Variants in MAPK10 observed in about 807,000 individuals in gnomAD.
MAPK10 encodes mitogen-activated protein kinase 10, also known as JNK3 alpha protein kinase.
In MAPK10, 25 loss-of-function variants were observed where a neutral mutation model predicts 59.3. That is an observed-to-expected ratio of 0.42 (90% confidence interval 0.31 to 0.59). The LOEUF (loss-of-function observed/expected upper bound fraction) is 0.59, where lower values mean the gene tolerates loss of function less well. MAPK10 is among the 20% of genes least tolerant of loss of function. MAPK10 has a pLI of 0.15. For synonymous variants in MAPK10, 190 were observed against 200.5 expected (o/e 0.95, Z 0.44); for missense variants, 351 against 568.9 (o/e 0.62, Z 3.90).
At chr4:86,319,583 G>A (rs1345798134) in intron 2 of MAPK10, among the ~76,000 whole-genome samples, 1 of 152,104 alleles carries the variant, frequency 6.6e-6, no homozygotes, top group African/African-American at 2.4e-5. Flanking sequence ...AGCTGCAGTG[G>A]ACAGTTCCAA....
intron 2 of MAPK10, among the ~76,000 whole-genome samples, chr4:86,280,954 G>A (rs955313126): frequency 2.0e-5 from 3 of 152,014 alleles, no homozygotes; most frequent in African/African-American, 7.3e-5. Flanking sequence ...GGGGAAGGAG[G>A]AAAAGGGAGG....
At chr4:86,231,596 G>A (rs2091550016) in intron 2 of MAPK10, among the ~76,000 whole-genome samples, 1 of 152,114 alleles carries the variant, frequency 6.6e-6, no homozygotes, top group Non-Finnish European at 1.5e-5. Context: ...CTGGGAGGCA[G>A]AGGTTGGAGT....
In MAPK10 at chr4:86,425,968, C is replaced by T. The variant is rs752565133; in HGVS notation, c.-122+27062G>A. The stretch of plus-strand genomic sequence containing the variant: ...CCTGGGCGACAGAGAGAGACTCTGT[C>T]TCAAAAAGAAAAGATCCTTTTCTGT... On this transcript the variant is annotated intron_variant, in intron 1 of 13. Coordinates refer to the MAPK10 transcript ENST00000361569. Among the ~76,000 whole-genome samples the T allele has an allele frequency of 2.0e-5, 3 of 152,100 alleles. No individual in the cohort carries two copies. The East Asian group carries it at 5.8e-4, about 29-fold the overall frequency.
chr4:86,208,955 T>C (rs1489936343), intron 2 of MAPK10, among the ~76,000 whole-genome samples: 2 of 152,030 alleles, frequency 1.3e-5, no homozygotes, highest in African/African-American at 2.4e-5. Context: ...ATTAATACAA[T>C]AGTTAGTATA....
At position 86,101,077 on chromosome 4, in the gene MAPK10, G is replaced by T; in HGVS notation, c.705C>A (p.Ile235=). 10 of 1,613,762 alleles carry T rather than the reference G, an allele frequency of 6.2e-6. No homozygotes were observed. Among genetic ancestry groups the T allele is most frequent in the Non-Finnish European group, 8.5e-6 (10 of 1,179,822 alleles). The change falls in exon 8 of 14, where the codon ATC becomes ATA. Residue 235 remains isoleucine, a synonymous_variant. Coordinates refer to ENST00000641462, the MANE Select transcript of MAPK10 (RefSeq NM_138982.4). The part of the protein sequence containing the change: ...VTRYYRAPEV[I]LGMGYKENVD... Reference sequence around the variant, plus strand: ...CGTTCTCCTTGTAGCCCATCCCCAGGATGACCTCAGGGGCTCTGTAATAAC... The same window carrying T: ...CGTTCTCCTTGTAGCCCATCCCCAGTATGACCTCAGGGGCTCTGTAATAAC...
intron 11 of MAPK10, among the ~76,000 whole-genome samples, chr4:86,059,192 G>GTTTGGTA (rs1171860471): frequency 7.9e-5 from 12 of 152,144 alleles, no homozygotes; most frequent in African/African-American, 2.9e-4. Flanking sequence ...TATCCAGTAA[G>GTTTGGTA]ATATAATGGC....
intron 1 of MAPK10, among the ~76,000 whole-genome samples, chr4:86,572,575 C>G (rs1430585929): frequency 6.6e-6 from 1 of 152,094 alleles, no homozygotes; most frequent in Non-Finnish European, 1.5e-5. Context: ...TTCCAACAGG[C>G]CTTACTTATA....
chr4:86,460,479 T>C (rs1375390154), intron 1 of MAPK10, among the ~76,000 whole-genome samples: 3 of 151,936 alleles, frequency 2.0e-5, no homozygotes, highest in African/African-American at 7.3e-5. Flanking sequence ...CATGTAAAAA[T>C]CAGAAGAAAA....
intron 13 of MAPK10, among the ~76,000 whole-genome samples, chr4:86,018,563 C>G (rs2148891510): frequency 6.6e-6 from 1 of 152,288 alleles, no homozygotes; most frequent in South Asian, 2.1e-4. Context: ...TAAAGGCTAG[C>G]TGAGTTGCCA....
chr4:86,509,513 A>G (rs891431633), intron 1 of MAPK10, among the ~76,000 whole-genome samples: 7 of 152,014 alleles, frequency 4.6e-5, no homozygotes, highest in South Asian at 4.1e-4. Context: ...CCCTGTCCGC[A>G]TTGTCTAGTC....
chr4:86,217,139 T>C (rs2087905270), intron 2 of MAPK10, among the ~76,000 whole-genome samples: 1 of 152,158 alleles, frequency 6.6e-6, no homozygotes, highest in Non-Finnish European at 1.5e-5. Flanking sequence ...ACACATTACA[T>C]TTCTCACCAA....
intron 2 of MAPK10, among the ~76,000 whole-genome samples, chr4:86,225,240 A>G (rs2090406240): frequency 6.6e-6 from 1 of 152,206 alleles, no homozygotes. Context: ...TGAGAGGGCC[A>G]TAACTGTTTG....
chr4:86,237,917 C>T (rs766994648), intron 2 of MAPK10, among the ~76,000 whole-genome samples: 2 of 152,120 alleles, frequency 1.3e-5, no homozygotes, highest in East Asian at 1.9e-4. Context: ...GAAGACTTTG[C>T]CCATGCCTAT....
intron 2 of MAPK10, among the ~76,000 whole-genome samples, chr4:86,234,859 T>C (rs1256463285): frequency 1.3e-5 from 2 of 152,156 alleles, no homozygotes; most frequent in Non-Finnish European, 2.9e-5. Context: ...ATACATCTCT[T>C]TGTAAGGAAA....
At chr4:86,283,934 T>C (rs2148805546) in intron 2 of MAPK10, among the ~76,000 whole-genome samples, 1 of 152,274 alleles carries the variant, frequency 6.6e-6, no homozygotes, top group Middle Eastern at 3.4e-3. Flanking sequence ...TCAAGTCAAA[T>C]AAACCTGAGA....
chr4:86,168,442 C>G (rs947670323), intron 3 of MAPK10, among the ~76,000 whole-genome samples: 1 of 152,214 alleles, frequency 6.6e-6, no homozygotes, highest in Non-Finnish European at 1.5e-5. Context: ...CCTACACGCA[C>G]GGAGTCTCGC....
At chr4:86,047,119 A>G (rs1376002908) in intron 11 of MAPK10, among the ~76,000 whole-genome samples, 1 of 152,044 alleles carries the variant, frequency 6.6e-6, no homozygotes, top group Non-Finnish European at 1.5e-5. Flanking sequence ...CTGACTTTCA[A>G]TAGATCACAG....
intron 2 of MAPK10, among the ~76,000 whole-genome samples, chr4:86,199,197 A>T (rs1429202781): frequency 6.6e-6 from 1 of 152,028 alleles, no homozygotes; most frequent in African/African-American, 2.4e-5. Flanking sequence ...AGAAACTCTT[A>T]TGTTTTTATA....
At chr4:86,151,771 C>T (rs2066532827) in intron 4 of MAPK10, among the ~76,000 whole-genome samples, 1 of 152,138 alleles carries the variant, frequency 6.6e-6, no homozygotes, top group African/African-American at 2.4e-5. Flanking sequence ...AGAATGTTAA[C>T]ATGACAACAA....
Sources: allele counts gnomAD v4.1 joint callset (sites outside exome capture counted in the v4.1 genomes callset), GRCh38; gene constraint gnomAD v4.1.1; transcripts MANE v1.5; gene names NCBI Gene and HGNC (gene_info 2026-07-23, HGNC 2026-07-21).